CCNY: variants seen among roughly 807,000 people sequenced by gnomAD.
CCNY encodes the protein cyclin Y.
A neutral mutation model predicts 42.8 loss-of-function variants in CCNY; 19 were observed. The ratio of observed to expected loss-of-function variants is 0.44; its 90% confidence interval spans 0.31 to 0.65. CCNY has a LOEUF of 0.65. CCNY is among the 30% of genes least tolerant of loss of function. CCNY has a pLI of 0.07. For missense variants in CCNY, 370 were observed against 437.3 expected, an observed-to-expected ratio of 0.85 and a Z score of 1.37; for synonymous variants, 165 against 162.7, an observed-to-expected ratio of 1.01 and a Z score of -0.11.
intron 1 of CCNY, among the ~76,000 whole-genome samples, chr10:35,371,958 A>G (rs1411653414): frequency 2.0e-5 from 3 of 152,216 alleles, no homozygotes; most frequent in Non-Finnish European, 4.4e-5. Context: ...AAAGATTTCA[A>G]TGGGAACAGA....
At chr10:35,445,276 G>A (rs113447970) in intron 1 of CCNY, among the ~76,000 whole-genome samples, 8 of 152,158 alleles carry the variant, frequency 5.3e-5, no homozygotes, top group South Asian at 2.1e-4. Context: ...CCATGCTGCC[G>A]CCCTGCTCTT....
intron 1 of CCNY, among the ~76,000 whole-genome samples, chr10:35,458,743 G>A (rs1372452993): frequency 6.6e-6 from 1 of 152,216 alleles, no homozygotes; most frequent in Non-Finnish European, 1.5e-5. Flanking sequence ...CCTGAATTGT[G>A]TGCACTGAAA....
chr10:35,556,505 A>G (rs995800255), intron 8 of CCNY, among the ~76,000 whole-genome samples: 10 of 152,190 alleles, frequency 6.6e-5, no homozygotes, highest in African/African-American at 2.4e-4. Flanking sequence ...CTCTTTGGTT[A>G]TATGATTACC....
intron 2 of CCNY, among the ~76,000 whole-genome samples, chr10:35,497,726 C>CAA (rs34502756): frequency 0.01 from 741 of 72,614 alleles, 7 homozygotes; most frequent in East Asian, 0.026. Context: ...GACTCCGTCT[C>CAA]AAAAAAAAAA....
upstream of CCNY, among the ~76,000 whole-genome samples, chr10:35,333,457 C>T (rs1435908567): frequency 6.6e-6 from 1 of 152,176 alleles, no homozygotes; most frequent in Non-Finnish European, 1.5e-5. Flanking sequence ...AAGTGGTTAG[C>T]TCCCAGCTTC....
chr10:35,389,933 G>T (rs1234589368), intron 1 of CCNY, among the ~76,000 whole-genome samples: 1 of 151,754 alleles, frequency 6.6e-6, no homozygotes, highest in Non-Finnish European at 1.5e-5. Flanking sequence ...TGAACAAAGT[G>T]AATTATTTCC....
intron 9 of CCNY, among the ~76,000 whole-genome samples, chr10:35,567,037 C>G (rs1323744521): frequency 2.0e-5 from 3 of 152,062 alleles, no homozygotes; most frequent in Non-Finnish European, 4.4e-5. Context: ...TTTTTAAAAC[C>G]CTTACCTTTA....
intron 3 of CCNY, among the ~76,000 whole-genome samples, chr10:35,304,702 G>A (rs1835585638): frequency 6.6e-6 from 1 of 152,164 alleles, no homozygotes; most frequent in Non-Finnish European, 1.5e-5. Context: ...GATCATTTTT[G>A]TTTTGGGGGG....
Position 35,250,845 on chromosome 10 carries a change from T to C in CCNY, c.-9+219T>C, listed in dbSNP as rs528548106. The C allele has an allele frequency of 3.9e-5, 6 of 152,366 alleles. No homozygotes were observed. The South Asian group carries it at 8.3e-4, about 21-fold the overall frequency. 9.4% of individuals were successfully genotyped at this position (152,366 alleles called of 1,614,324 possible). A position where few individuals can be genotyped will look rare whatever the true frequency, so the allele number is the denominator to read the frequency against. ...ATTCATGTTCACATCTAACACCTGA[T>C]TGAGACAATTGCTGTGATCTTGGGG... On this transcript the variant is annotated intron_variant, in intron 3 of 11. Transcript: ENST00000374706.
At chr10:35,565,092 C>G (rs1222172059) in intron 8 of CCNY, among the ~76,000 whole-genome samples, 5 of 152,112 alleles carry the variant, frequency 3.3e-5, no homozygotes, top group African/African-American at 1.2e-4. Context: ...TGAGAAGGTT[C>G]CCCCCACCCA....
At chr10:35,408,649 C>A (rs1203969318) in intron 1 of CCNY, among the ~76,000 whole-genome samples, 1 of 152,118 alleles carries the variant, frequency 6.6e-6, no homozygotes, top group African/African-American at 2.4e-5. Flanking sequence ...AGTTAAGGCT[C>A]TTTTCACTTC....
At chr10:35,516,683 T>TTTTTG in intron 4 of CCNY, 60 bp downstream of exon 4, 4 of 1,062,720 alleles carry the variant, frequency 3.8e-6, no homozygotes, top group Non-Finnish European at 5.4e-6. Context: ...TTTTTTTTTT[T>TTTTTG]TTTTTACTTA....
At chr10:35,565,998 G>A (rs945719656) in intron 8 of CCNY, 25 bp from the exon 9 acceptor site, 15 of 1,604,398 alleles carry the variant, frequency 9.3e-6, no homozygotes, top group Admixed American at 1.7e-5. Flanking sequence ...GCTAAGCATA[G>A]GCTATTTTTG....
At position 35,533,625 on chromosome 10, in the gene CCNY, G is replaced by A; in HGVS notation, c.579+3382G>A. 1.3e-5 allele frequency among the ~76,000 whole-genome samples: 2 copies of A among 152,148 alleles called. 1 individual carries two copies. The highest frequency in any genetic ancestry group is 2.9e-5 in the Non-Finnish European group (2 of 68,032). On this transcript the variant is annotated intron_variant, in intron 7 of 9. Transcript: ENST00000374704. ...TCAAAGGGCACATCAGGGGGCTGTTGCCTGGCCACCATATCTGAAGTTGCA... is the reference window on the plus strand; with the variant it reads ...TCAAAGGGCACATCAGGGGGCTGTTACCTGGCCACCATATCTGAAGTTGCA...
At chr10:35,451,906 G>A (rs1382919560) in intron 1 of CCNY, among the ~76,000 whole-genome samples, 17 of 152,196 alleles carry the variant, frequency 1.1e-4, no homozygotes, top group Admixed American at 1.1e-3. Context: ...GAATGGCAGT[G>A]ACTTTGGGCC....
chr10:35,398,756 G>A (rs1480029916), intron 1 of CCNY, among the ~76,000 whole-genome samples: 4 of 152,208 alleles, frequency 2.6e-5, no homozygotes, highest in Non-Finnish European at 5.9e-5. Flanking sequence ...TAAATTTGCA[G>A]ATAAAATACC....
At chr10:35,538,256 T>C (rs1840926136) in intron 7 of CCNY, among the ~76,000 whole-genome samples, 1 of 152,228 alleles carries the variant, frequency 6.6e-6, no homozygotes, top group Non-Finnish European at 1.5e-5. Flanking sequence ...CTCAGGTATG[T>C]CTTTTTCAGC....
At chr10:35,431,584 C>T (rs1352073330) in intron 1 of CCNY, among the ~76,000 whole-genome samples, 3 of 151,332 alleles carry the variant, frequency 2.0e-5, no homozygotes, top group Non-Finnish European at 2.9e-5. Flanking sequence ...CTGATCTGTC[C>T]GTCAAATGCT....
intron 1 of CCNY, among the ~76,000 whole-genome samples, chr10:35,395,322 T>C (rs1233425012): frequency 6.6e-6 from 1 of 152,186 alleles, no homozygotes; most frequent in African/African-American, 2.4e-5. Flanking sequence ...AGGAAAACTA[T>C]TGCAGTAGGG....
Sources: gnomAD v4.1 joint callset for allele counts (sites outside exome capture counted in the v4.1 genomes callset) on GRCh38, gnomAD v4.1.1 for gene constraint, MANE v1.5 for transcripts, NCBI Gene and HGNC (gene_info 2026-07-23, HGNC 2026-07-21) for gene names.